Variants in RPH3A observed in about 807,000 individuals in gnomAD.
RPH3A encodes rabphilin 3A.
RPH3A carries 48 observed loss-of-function variants against 102.2 expected under a neutral mutation model. That is an observed-to-expected ratio of 0.47 (90% confidence interval 0.37 to 0.60). RPH3A has a LOEUF of 0.60. Among genes scored for constraint, RPH3A ranks in the 20% least tolerant of loss-of-function variants. The probability of loss-of-function intolerance (pLI) is 0.00; values close to 1 mark genes in which losing one functional copy is unlikely to be tolerated. For missense variants in RPH3A, 781 were observed against 910.1 expected (o/e 0.86, Z 1.83); for synonymous variants, 310 against 324.3 (o/e 0.96, Z 0.47).
chr12:112,596,911 T>C (rs528335826), intron 1 of RPH3A, among the ~76,000 whole-genome samples: 26 of 152,366 alleles, frequency 1.7e-4, no homozygotes, highest in African/African-American at 6.0e-4. Flanking sequence ...TTTTTGTCAG[T>C]GTAGAGGTCT....
rs2042863844 is a variant in RPH3A, at chr12:112,879,261, A to T, written c.1251+63A>T. The T allele has an allele frequency of 6.8e-6, 9 of 1,329,812 alleles. No homozygotes were observed. In the Admixed American group the frequency reaches 1.1e-4, roughly 16 times the overall value. 82.4% of individuals were successfully genotyped at this position (1,329,812 alleles called of 1,614,324 possible). A position where few individuals can be genotyped will look rare whatever the true frequency, so the allele number is the denominator to read the frequency against. On this transcript the variant is annotated intron_variant, in intron 14 of 21. Transcript: ENST00000389385. Reference sequence around the variant, plus strand: ...GCTCTGGCATGGCTAGGAGACTCAGATGGGGATGGATGACCAGGCCTGTCT... The same window carrying T: ...GCTCTGGCATGGCTAGGAGACTCAGTTGGGGATGGATGACCAGGCCTGTCT...
chr12:112,856,938 C>T (rs919348530), intron 5 of RPH3A, among the ~76,000 whole-genome samples: 7 of 152,042 alleles, frequency 4.6e-5, no homozygotes, highest in African/African-American at 1.7e-4. Context: ...AGCTGGGAAG[C>T]GGCAAAGTCC....
chr12:112,690,536 T>C (rs534851274), intron 1 of RPH3A, among the ~76,000 whole-genome samples: 2 of 152,164 alleles, frequency 1.3e-5, no homozygotes, highest in East Asian at 3.9e-4. Flanking sequence ...AATCTTGGAG[T>C]CTTATATCCC....
At chr12:112,780,893 G>A (rs2041003036) in intron 1 of RPH3A, among the ~76,000 whole-genome samples, 1 of 152,150 alleles carries the variant, frequency 6.6e-6, no homozygotes, top group African/African-American at 2.4e-5. Context: ...GGTGGCTCAA[G>A]CTGAAATCCC....
chr12:112,887,070 G>T (rs1199310913), intron 16 of RPH3A, among the ~76,000 whole-genome samples: 1 of 152,186 alleles, frequency 6.6e-6, no homozygotes. Flanking sequence ...ATAATTGGTG[G>T]AACTGCCTTG....
intron 2 of RPH3A, among the ~76,000 whole-genome samples, chr12:112,809,896 T>C (rs2041538847): frequency 6.6e-6 from 1 of 152,098 alleles, no homozygotes; most frequent in Non-Finnish European, 1.5e-5. Context: ...AACATCACCT[T>C]TCCCCGCCTC....
chr12:112,814,293 C>T (rs917685295), intron 2 of RPH3A, among the ~76,000 whole-genome samples: 6 of 152,032 alleles, frequency 3.9e-5, no homozygotes, highest in Admixed American at 3.3e-4. Context: ...ATATGTGGGG[C>T]ATTTTAACCA....
chr12:112,712,220 C>T (rs1934700677), intron 1 of RPH3A, among the ~76,000 whole-genome samples: 1 of 152,156 alleles, frequency 6.6e-6, no homozygotes, highest in South Asian at 2.1e-4. Context: ...CACACGCATG[C>T]ACGCACGCAG....
Position 112,875,801 on chromosome 12 carries a change from G to C in RPH3A, c.946+60G>C, listed in dbSNP as rs578071278. ...GGCCACCTCTCCCCTACCTCCCTGAGAGAGAGCAGGCAGCTGCCAGAACGT... is the reference window on the plus strand; with the variant it reads ...GGCCACCTCTCCCCTACCTCCCTGACAGAGAGCAGGCAGCTGCCAGAACGT... On this transcript the variant is annotated intron_variant, in intron 12 of 21. Coordinates refer to ENST00000389385, the MANE Select transcript of RPH3A (RefSeq NM_001143854.2). The C allele has an allele frequency of 7.9e-5, 118 of 1,491,060 alleles. 1 individual carries two copies. The East Asian group carries it at 2.4e-3, about 31-fold the overall frequency. 92.4% of individuals were successfully genotyped at this position (1,491,060 alleles called of 1,614,324 possible).
intron 2 of RPH3A, among the ~76,000 whole-genome samples, chr12:112,809,303 C>T (rs1405400489): frequency 6.6e-6 from 1 of 152,026 alleles, no homozygotes; most frequent in Non-Finnish European, 1.5e-5. Flanking sequence ...CATTCTTGAC[C>T]ATTTCCTTCT....
At chr12:112,593,937 A>G (rs1254523628) in intron 1 of RPH3A, among the ~76,000 whole-genome samples, 4 of 152,324 alleles carry the variant, frequency 2.6e-5, no homozygotes, top group Non-Finnish European at 4.4e-5. Context: ...CTTCCCCCAT[A>G]TAACACTTAC....
chr12:112,728,366 A>AT (rs920086375), intron 1 of RPH3A, among the ~76,000 whole-genome samples: 97 of 150,860 alleles, frequency 6.4e-4, no homozygotes, highest in Admixed American at 1.7e-3. Context: ...TTAAGCTTCT[A>AT]TTTTTTTTTC....
intron 15 of RPH3A, among the ~76,000 whole-genome samples, chr12:112,882,284 G>A (rs924887050): frequency 6.6e-6 from 1 of 152,088 alleles, no homozygotes; most frequent in African/African-American, 2.4e-5. Context: ...TGAAGCCCTG[G>A]CCCTCCCACC....
rs758294722 is a variant in RPH3A at position 112,869,940 on chromosome 12, G to A, written c.697G>A (p.Val233Met). 3.5e-5 allele frequency: 57 copies of A among 1,614,010 alleles called. No individual in the cohort carries two copies. Among genetic ancestry groups the A allele is most frequent in the Admixed American group, 1.2e-4 (7 of 60,000 alleles). Residue 233 changes from valine to methionine, a missense_variant, in exon 10 of 22, where the codon GTG (valine) becomes ATG (methionine). Physicochemically the swap from Val to Met is conservative, Grantham distance 21. Coordinates refer to ENST00000389385, the MANE Select transcript of RPH3A (RefSeq NM_001143854.2). Reference protein sequence around the residue: ...APGRGNYGPPVRRASEARMSS... With the variant: ...APGRGNYGPPMRRASEARMSS... ...CGGGCGAGGAAACTATGGGCCTCCCGTGCGCAGGGCCTCCGAGGCACGAAT... is the reference window on the plus strand; with the variant it reads ...CGGGCGAGGAAACTATGGGCCTCCCATGCGCAGGGCCTCCGAGGCACGAAT...
intron 1 of RPH3A, among the ~76,000 whole-genome samples, chr12:112,706,740 GC>G (rs1482754434): frequency 6.6e-6 from 1 of 152,170 alleles, no homozygotes; most frequent in Non-Finnish European, 1.5e-5. Context: ...GAACTGAATG[GC>G]CCCAAATAAT....
chr12:112,828,368 G>A lies in RPH3A; in HGVS notation c.50G>A (p.Ser17Asn). Reference sequence around the variant, plus strand: ...AGTTCTAACCGTTGGATGTACCCCAGTGACCGGCCCCTTCAATCAAAGTAA... The same window carrying A: ...AGTTCTAACCGTTGGATGTACCCCAATGACCGGCCCCTTCAATCAAAGTAA... ...SNSSNRWMYP[S>N]DRPLQSNDKE... is the part of the protein sequence containing the mutation. The change falls in exon 3 of 22, where the codon AGT becomes AAT. Residue 17 changes from serine (S) to asparagine (N), a missense_variant. Physicochemically the swap from Ser to Asn is conservative, Grantham distance 46. Around this residue, in one of 2 missense-constraint regions of RPH3A, gnomAD observed 730 missense variants for 810.0 expected, o/e 0.90. Coordinates refer to ENST00000389385, the MANE Select transcript of RPH3A (RefSeq NM_001143854.2). The A allele has an allele frequency of 6.2e-7, 1 of 1,605,920 alleles. No individual in the cohort carries two copies. The highest frequency in any genetic ancestry group is 8.5e-7 in the Non-Finnish European group (1 of 1,176,392).
intron 1 of RPH3A, among the ~76,000 whole-genome samples, chr12:112,691,234 G>A (rs555073006): frequency 7.6e-4 from 115 of 152,110 alleles, no homozygotes; most frequent in African/African-American, 2.7e-3. Flanking sequence ...CCGTGGTCTC[G>A]ATCTCCTGAC....
intron 3 of RPH3A, chr12:112,831,951 G>A: frequency 3.9e-6 from 1 of 255,066 alleles, no homozygotes; most frequent in South Asian, 3.6e-5. Context: ...TCCTGAAACA[G>A]TGGATTCATG....
At chr12:112,596,001 A>C (rs921869595) in intron 1 of RPH3A, among the ~76,000 whole-genome samples, 1 of 152,202 alleles carries the variant, frequency 6.6e-6, no homozygotes, top group African/African-American at 2.4e-5. Context: ...AGACCATGAC[A>C]CATCTGGTAT....
Sources: allele counts gnomAD v4.1 joint callset (sites outside exome capture counted in the v4.1 genomes callset), GRCh38; gene constraint gnomAD v4.1.1; regional missense constraint gnomAD v4.1.1; transcripts MANE v1.5; gene names NCBI Gene and HGNC (gene_info 2026-07-23, HGNC 2026-07-21).